AGBL1: variants seen among roughly 807,000 people sequenced by gnomAD.
AGBL1 encodes the protein cytosolic carboxypeptidase 4.
In AGBL1, 130 loss-of-function variants were observed where a neutral mutation model predicts 118.9. That is an observed-to-expected ratio of 1.09 (90% CI 0.95 to 1.26). AGBL1 has a LOEUF of 1.26. Among genes scored for constraint, AGBL1 ranks in the 50% most tolerant of loss-of-function variants. The pLI is 0.00. For synonymous variants in AGBL1, 555 were observed against 478.9 expected, an observed-to-expected ratio of 1.16 and a Z score of -2.08; for missense variants, 1,584 against 1,298.1, an observed-to-expected ratio of 1.22 and a Z score of -3.38.
At chr15:86,695,012 A>T (rs867249243) in intron 22 of AGBL1, among the ~76,000 whole-genome samples, 1 of 151,888 alleles carries the variant, frequency 6.6e-6, no homozygotes, top group Non-Finnish European at 1.5e-5. Context: ...TTTGTTAAGA[A>T]TTTTTGCATC....
chr15:86,830,654 C>T (rs2079092375), intron 22 of AGBL1, among the ~76,000 whole-genome samples: 2 of 152,170 alleles, frequency 1.3e-5, no homozygotes, highest in African/African-American at 2.4e-5. Flanking sequence ...ACACTGGGCC[C>T]TCCACGTAGC....
At chr15:86,438,349 C>G (rs1224510584) in intron 18 of AGBL1, among the ~76,000 whole-genome samples, 4 of 152,286 alleles carry the variant, frequency 2.6e-5, no homozygotes, top group African/African-American at 9.6e-5. Context: ...TCCTAATACT[C>G]CACAATCACA....
At chr15:86,842,178 C>T (rs1025225737) in intron 22 of AGBL1, among the ~76,000 whole-genome samples, 3 of 150,874 alleles carry the variant, frequency 2.0e-5, no homozygotes, top group East Asian at 3.9e-4. Context: ...TTTAAGTGTT[C>T]ATTCTTCAGG....
Position 86,907,840 on chromosome 15 carries a change from G to A in AGBL1, c.*546G>A, listed in dbSNP as rs2080301783. The A allele has an allele frequency of 6.6e-6, 1 of 152,108 alleles. No individual in the cohort carries two copies. The highest frequency in any genetic ancestry group is 2.4e-5 in the African/African-American group (1 of 41,394). 9.4% of individuals were successfully genotyped at this position (152,108 alleles called of 1,614,324 possible). The stretch of plus-strand genomic sequence containing the variant: ...TGAACATGAAAAACTGTGCATCCAA[G>A]TAATTGCAGGTTTCATCTGTGATCT... On this transcript the variant is annotated 3_prime_UTR_variant, in exon 23 of 23. Transcript: ENST00000614907.
At chr15:87,006,360 G>C (rs931454326) in intron 24 of AGBL1, among the ~76,000 whole-genome samples, 1 of 152,102 alleles carries the variant, frequency 6.6e-6, no homozygotes, top group Admixed American at 6.5e-5. Flanking sequence ...CTTCCCTGCC[G>C]CTTTGTTTAC....
At chr15:86,992,194 C>T (rs2081342018) in intron 24 of AGBL1, among the ~76,000 whole-genome samples, 2 of 151,982 alleles carry the variant, frequency 1.3e-5, no homozygotes, top group African/African-American at 4.8e-5. Context: ...TTTTAAACAA[C>T]CAGATCTCAT....
intron 23 of AGBL1, among the ~76,000 whole-genome samples, chr15:86,937,114 C>T (rs1567248652): frequency 6.6e-6 from 1 of 152,162 alleles, no homozygotes; most frequent in African/African-American, 2.4e-5. Context: ...TATCATCTCA[C>T]ACCTCTAAGA....
chr15:86,844,602 G>C (rs901673138), intron 22 of AGBL1, among the ~76,000 whole-genome samples: 4 of 151,840 alleles, frequency 2.6e-5, no homozygotes, highest in Admixed American at 2.6e-4. Context: ...TTATATATTT[G>C]GATACAAATT....
rs1045571553 is a variant in AGBL1, at chr15:86,318,911, C to G, written c.2374+23503C>G. On this transcript the variant is annotated intron_variant, in intron 17 of 22. Transcript: ENST00000614907. ...GCTGAGTTGGCCATAGTTTATTTTT[C>G]TTGTGAGTCTGGGTGAATTTTATAT... Among the ~76,000 whole-genome samples, 4 of 151,884 alleles carry G rather than the reference C, an allele frequency of 2.6e-5. No individual in the cohort carries two copies. In the South Asian group the frequency reaches 6.2e-4, roughly 24 times the overall value.
intron 16 of AGBL1, among the ~76,000 whole-genome samples, chr15:86,286,749 A>ATAT (rs60775713): frequency 6.9e-6 from 1 of 145,396 alleles, no homozygotes; most frequent in East Asian, 2.0e-4. Context: ...ATATATATAT[A>ATAT]AAACTCCATC....
chr15:86,777,296 A>G (rs2078270801), intron 22 of AGBL1, among the ~76,000 whole-genome samples: 1 of 152,020 alleles, frequency 6.6e-6, no homozygotes, highest in Admixed American at 6.6e-5. Flanking sequence ...AATATTTATA[A>G]TTACTTACTG....
intron 22 of AGBL1, among the ~76,000 whole-genome samples, chr15:86,785,925 A>G (rs1383178134): frequency 3.3e-5 from 5 of 152,106 alleles, no homozygotes; most frequent in Non-Finnish European, 7.4e-5. Flanking sequence ...GGCAGAAACT[A>G]TGACTGGAGA....
At chr15:86,720,268 TC>T (rs2086697501) in intron 22 of AGBL1, among the ~76,000 whole-genome samples, 1 of 152,186 alleles carries the variant, frequency 6.6e-6, no homozygotes, top group Non-Finnish European at 1.5e-5. Flanking sequence ...GTTAGTTTTT[TC>T]ACCTGGATGA....
intron 22 of AGBL1, among the ~76,000 whole-genome samples, chr15:86,771,768 A>T (rs1462330068): frequency 6.6e-6 from 1 of 152,014 alleles, no homozygotes; most frequent in East Asian, 1.9e-4. Context: ...TCTCCAATGA[A>T]CTGGAAAGGT....
intron 18 of AGBL1, among the ~76,000 whole-genome samples, chr15:86,466,354 G>A (rs1015095281): frequency 2.0e-5 from 3 of 152,166 alleles, no homozygotes; most frequent in Admixed American, 1.3e-4. Context: ...GGCCATTTAT[G>A]TTCTTCTCCA....
At chr15:86,221,473 C>G (rs192188563) in intron 5 of AGBL1, among the ~76,000 whole-genome samples, 1 of 152,318 alleles carries the variant, frequency 6.6e-6, no homozygotes, top group Admixed American at 6.5e-5. Context: ...TGCCTCGGCT[C>G]TGATAGGTTT....
chr15:86,530,816 C>A (rs374937703), intron 19 of AGBL1, among the ~76,000 whole-genome samples: 4 of 119,412 alleles, frequency 3.3e-5, no homozygotes, highest in African/African-American at 1.5e-4. Flanking sequence ...CACTCAAAGC[C>A]GCTCAACTAC....
intron 5 of AGBL1, among the ~76,000 whole-genome samples, chr15:86,207,952 G>T (rs1430119208): frequency 6.6e-6 from 1 of 152,050 alleles, no homozygotes; most frequent in Admixed American, 6.5e-5. Context: ...CTGAGGGTTT[G>T]TCATAAACAG....
intron 5 of AGBL1, among the ~76,000 whole-genome samples, chr15:86,192,333 C>T (rs1421188410): frequency 6.7e-6 from 1 of 149,352 alleles, no homozygotes; most frequent in Admixed American, 6.7e-5. Flanking sequence ...AAATATATTA[C>T]AGATATTAAT....
Sources: allele counts gnomAD v4.1 joint callset (sites outside exome capture counted in the v4.1 genomes callset), GRCh38; gene constraint gnomAD v4.1.1; transcripts MANE v1.5; gene names NCBI Gene and HGNC (gene_info 2026-07-23, HGNC 2026-07-21).